Variants in POLD3 observed in about 807,000 individuals in gnomAD.
POLD3 encodes the protein DNA polymerase delta subunit 3.
Under a neutral mutation model 58.2 loss-of-function variants are expected in POLD3, and 19 were observed. That is an observed-to-expected ratio of 0.33 (90% CI 0.23 to 0.48). The LOEUF (loss-of-function observed/expected upper bound fraction) is 0.48. POLD3 is among the 20% of genes least tolerant of loss of function. POLD3 has a pLI of 0.99. For missense variants in POLD3, 504 were observed against 545.5 expected (o/e 0.92, Z 0.76); for synonymous variants, 172 against 193.5 (o/e 0.89, Z 0.92).
intron 3 of POLD3, among the ~76,000 whole-genome samples, chr11:74,607,181 T>C (rs1196184079): frequency 6.6e-6 from 1 of 151,298 alleles, no homozygotes; most frequent in East Asian, 1.9e-4. Context: ...TTTAAGTTTT[T>C]AGTGCTTCTA....
chr11:74,637,800 A>G (rs1030392724), intron 11 of POLD3, among the ~76,000 whole-genome samples: 38 of 121,556 alleles, frequency 3.1e-4, no homozygotes, highest in African/African-American at 1.2e-3. Context: ...CTGTGCTCAC[A>G]TTGCACTTTT....
intron 4 of POLD3, among the ~76,000 whole-genome samples, chr11:74,660,457 C>T (rs1007885582): frequency 2.0e-4 from 31 of 152,064 alleles, no homozygotes; most frequent in Admixed American, 2.0e-3. Flanking sequence ...CCCTTTTGAG[C>T]CTGTTGTCTA....
intron 2 of POLD3, among the ~76,000 whole-genome samples, chr11:74,594,394 CTAAT>C (rs2031151366): frequency 6.6e-6 from 1 of 152,180 alleles, no homozygotes; most frequent in South Asian, 2.1e-4. Context: ...CTTGTCTTAA[CTAAT>C]TACATGTGCT....
At chr11:74,600,910 G>A in intron 2 of POLD3, among the ~76,000 whole-genome samples, 1 of 151,858 alleles carries the variant, frequency 6.6e-6, no homozygotes. Flanking sequence ...ATAGAGACGA[G>A]GTTTCTCTAT....
At chr11:74,634,835 A>G in intron 10 of POLD3, 140 bp downstream of exon 10, 1 of 605,156 alleles carries the variant, frequency 1.7e-6, no homozygotes, top group Admixed American at 2.4e-5. Context: ...GCTGTCCTAC[A>G]GGTTGTACAG....
intron 8 of POLD3, chr11:74,628,964 A>G: frequency 3.3e-6 from 1 of 300,142 alleles, no homozygotes; most frequent in Non-Finnish European, 6.1e-6. Context: ...AAGATTCTTG[A>G]TAACCTGGTT....
At chr11:74,592,823 C>T (rs2031081782) in intron 1 of POLD3, 105 bp downstream of exon 1, 4 of 1,540,728 alleles carry the variant, frequency 2.6e-6, no homozygotes, top group Middle Eastern at 1.8e-4. Context: ...TCGTGGGGAC[C>T]AGGGGAGACA....
downstream of POLD3, among the ~76,000 whole-genome samples, chr11:74,647,311 T>C (rs2033011396): frequency 6.6e-6 from 1 of 152,248 alleles, no homozygotes; most frequent in South Asian, 2.1e-4. Flanking sequence ...CTGCAAACCA[T>C]AAAACCTGAT....
chr11:74,593,984 T>C (rs1239351749), intron 1 of POLD3, 77 bp from the exon 2 acceptor site: 4 of 772,416 alleles, frequency 5.2e-6, no homozygotes, highest in Non-Finnish European at 4.6e-6. Context: ...TAGGAATCTT[T>C]AGCAACAGAC....
At chr11:74,666,375 C>T (rs897723339) in intron 4 of POLD3, among the ~76,000 whole-genome samples, 1 of 152,156 alleles carries the variant, frequency 6.6e-6, no homozygotes, top group African/African-American at 2.4e-5. Flanking sequence ...AATCCCAGCA[C>T]TTTGGGAGGC....
chr11:74,656,446 G>T (rs1255000627), intron 4 of POLD3, among the ~76,000 whole-genome samples: 1 of 152,146 alleles, frequency 6.6e-6, no homozygotes, highest in Non-Finnish European at 1.5e-5. Flanking sequence ...AATTAGCCAG[G>T]CATGGTGGCA....
At chr11:74,617,192 T>G (rs528396882) in intron 5 of POLD3, among the ~76,000 whole-genome samples, 3 of 152,332 alleles carry the variant, frequency 2.0e-5, no homozygotes, top group African/African-American at 7.2e-5. Flanking sequence ...ACATTATGGA[T>G]TTGTGTGAAA....
chr11:74,649,773 C>T (rs1357645495), intron 4 of POLD3, among the ~76,000 whole-genome samples: 10 of 152,056 alleles, frequency 6.6e-5, no homozygotes, highest in Admixed American at 1.3e-4. Context: ...TTTGGGAGAC[C>T]GAGGCAGGTA....
chr11:74,602,917 C>T (rs926797694), intron 2 of POLD3, among the ~76,000 whole-genome samples: 40 of 152,244 alleles, frequency 2.6e-4, no homozygotes, highest in African/African-American at 9.6e-4. Context: ...ATCCACCTTG[C>T]TGGCTCCCTC....
At chr11:74,613,385 T>A (rs1167152403) in intron 5 of POLD3, among the ~76,000 whole-genome samples, 1 of 151,628 alleles carries the variant, frequency 6.6e-6, no homozygotes, top group African/African-American at 2.4e-5. Context: ...CCTCTACTTT[T>A]CATCCAAAAG....
rs554839509 is a variant in POLD3 at position 74,618,096 on chromosome 11, A to G, written c.393-441A>G. Among the ~76,000 whole-genome samples, 15 of 151,898 alleles carry G rather than the reference A, an allele frequency of 9.9e-5. No homozygotes were observed. In the East Asian group the frequency reaches 1.5e-3, roughly 16 times the overall value. ...TTAAAGCTTAGTTTTGATTCAGTCA[A>G]TATTGCAAATCTAGCCCTATCAGAG... is the stretch of plus-strand genomic sequence containing the variant. On this transcript the variant is annotated intron_variant, in intron 5 of 11. Transcript: ENST00000263681.
At chr11:74,644,190 G>C (rs1384787175), downstream of POLD3, among the ~76,000 whole-genome samples, 4 of 152,178 alleles carry the variant, frequency 2.6e-5, no homozygotes, top group Non-Finnish European at 1.5e-5. Flanking sequence ...CTGAAGAGAA[G>C]GGCCATATAA....
chr11:74,632,877 TACACACACACACACAC>T (rs71036003), intron 9 of POLD3, among the ~76,000 whole-genome samples: 13,531 of 115,688 alleles, frequency 0.12, 980 homozygotes, highest in Middle Eastern at 0.14. Flanking sequence ...TTTAAGTAAA[TACACACACACACACAC>T]ACACACACAC....
At chr11:74,613,688 T>G (rs1189574172) in intron 5 of POLD3, among the ~76,000 whole-genome samples, 1 of 152,218 alleles carries the variant, frequency 6.6e-6, no homozygotes, top group African/African-American at 2.4e-5. Flanking sequence ...CCTACTACTT[T>G]GACAGGTACT....
Sources: gnomAD v4.1 joint callset for allele counts (sites outside exome capture counted in the v4.1 genomes callset) on GRCh38, gnomAD v4.1.1 for gene constraint, MANE v1.5 for transcripts, NCBI Gene and HGNC (gene_info 2026-07-23, HGNC 2026-07-21) for gene names.